The following TMEM108 variants were observed in gnomAD, a reference collection of about 807,000 sequenced individuals.
TMEM108 encodes cancer/testis antigen 124.
TMEM108 carries 12 observed loss-of-function variants against 35.1 expected under a neutral mutation model. That is an observed-to-expected ratio of 0.34 (90% confidence interval 0.22 to 0.55). The LOEUF (loss-of-function observed/expected upper bound fraction) is 0.55. Ranked by LOEUF, TMEM108 falls within the 20% of genes least tolerant of loss-of-function variation. TMEM108 has a pLI of 0.89. For missense variants in TMEM108, 680 were observed against 753.3 expected (o/e 0.90, Z 1.14); for synonymous variants, 287 against 308.6 (o/e 0.93, Z 0.73).
chr3:133,161,670 A>G lies in TMEM108; in HGVS notation c.-46-67596A>G, dbSNP rs148832547. Among the ~76,000 whole-genome samples the G allele has an allele frequency of 7.4e-3, 1,123 of 151,748 alleles. 8 individuals carry two copies. Among genetic ancestry groups the G allele is most frequent in the Admixed American group, 0.014 (216 of 15,266 alleles). Reference sequence around the variant, plus strand: ...AGAAACAACTGTGTGGCAGAAAAATATGATTAAAAATAACTTTTACTCATT... The same window carrying G: ...AGAAACAACTGTGTGGCAGAAAAATGTGATTAAAAATAACTTTTACTCATT... On this transcript the variant is annotated intron_variant, in intron 2 of 5. Transcript: ENST00000321871.
At chr3:133,320,091 C>G (rs112263231) in intron 3 of TMEM108, among the ~76,000 whole-genome samples, 2,687 of 152,118 alleles carry the variant, frequency 0.018, 68 homozygotes, top group African/African-American at 0.06. Context: ...AACATAGACT[C>G]CATCTCCACA....
At chr3:133,382,105 T>C (rs375376628) in intron 4 of TMEM108, among the ~76,000 whole-genome samples, 8 of 152,166 alleles carry the variant, frequency 5.3e-5, no homozygotes, top group African/African-American at 1.9e-4. Context: ...ATTCTTAGAG[T>C]TTCTCTGATA....
At chr3:133,145,756 GCTCT>G (rs1163248746) in intron 2 of TMEM108, among the ~76,000 whole-genome samples, 1 of 151,878 alleles carries the variant, frequency 6.6e-6, no homozygotes, top group Non-Finnish European at 1.5e-5. Context: ...TCATGATTTG[GCTCT>G]CTGTTTGTCT....
chr3:133,296,099 T>A (rs1438639498), intron 3 of TMEM108, among the ~76,000 whole-genome samples: 1 of 152,230 alleles, frequency 6.6e-6, no homozygotes, highest in Non-Finnish European at 1.5e-5. Flanking sequence ...AATGTCTGAG[T>A]GCATATCTAC....
At chr3:133,213,744 ATCC>A (rs1307557559) in intron 2 of TMEM108, among the ~76,000 whole-genome samples, 3 of 152,100 alleles carry the variant, frequency 2.0e-5, no homozygotes, top group Non-Finnish European at 1.5e-5. Context: ...GGTAAAATTA[ATCC>A]TCCCTTTTGC....
chr3:133,391,224 AAG>A (rs2107861196), intron 5 of TMEM108, among the ~76,000 whole-genome samples: 1 of 152,346 alleles, frequency 6.6e-6, no homozygotes, highest in East Asian at 1.9e-4. Context: ...TGGATAAGGA[AAG>A]AAAATAATGG....
At chr3:133,121,817 T>G (rs1466696242) in intron 2 of TMEM108, among the ~76,000 whole-genome samples, 1 of 152,190 alleles carries the variant, frequency 6.6e-6, no homozygotes, top group Non-Finnish European at 1.5e-5. Context: ...AAGAAAAAAG[T>G]AGGAGGACTA....
intron 2 of TMEM108, among the ~76,000 whole-genome samples, chr3:133,166,363 C>T (rs946939640): frequency 5.9e-5 from 9 of 152,114 alleles, no homozygotes; most frequent in African/African-American, 2.2e-4. Context: ...GGAAAAAAAT[C>T]GTTTATTTTA....
At chr3:133,122,904 A>G (rs1944371380) in intron 2 of TMEM108, among the ~76,000 whole-genome samples, 1 of 151,824 alleles carries the variant, frequency 6.6e-6, no homozygotes, top group Non-Finnish European at 1.5e-5. Context: ...TTAAGATGCT[A>G]TAAGGTGGAA....
At chr3:133,365,810 C>T (rs540998631) in intron 3 of TMEM108, among the ~76,000 whole-genome samples, 59 of 152,266 alleles carry the variant, frequency 3.9e-4, no homozygotes, top group African/African-American at 1.3e-3. Flanking sequence ...CCCTAGAGAG[C>T]CTGCCTCTCC....
At chr3:133,091,015 T>G (rs1025472675) in intron 2 of TMEM108, among the ~76,000 whole-genome samples, 11 of 152,268 alleles carry the variant, frequency 7.2e-5, no homozygotes, top group Admixed American at 1.3e-4. Flanking sequence ...GTAAAACTAT[T>G]GGGTTAAATA....
intron 3 of TMEM108, among the ~76,000 whole-genome samples, chr3:133,297,061 G>C (rs183562471): frequency 6.6e-6 from 1 of 152,182 alleles, no homozygotes; most frequent in African/African-American, 2.4e-5. Flanking sequence ...AAGGAGGTCC[G>C]AACAATATCA....
chr3:133,111,241 G>A (rs1191172407), intron 2 of TMEM108, among the ~76,000 whole-genome samples: 1 of 152,110 alleles, frequency 6.6e-6, no homozygotes, highest in Non-Finnish European at 1.5e-5. Context: ...AACAGTCTTA[G>A]GTGGGGAGGA....
chr3:133,298,531 C>T (rs1947176437), intron 3 of TMEM108, among the ~76,000 whole-genome samples: 1 of 152,106 alleles, frequency 6.6e-6, no homozygotes, highest in Non-Finnish European at 1.5e-5. Flanking sequence ...TTTGTAAAAG[C>T]TGTAAAATTC....
chr3:133,321,215 G>A (rs28883687), intron 3 of TMEM108, among the ~76,000 whole-genome samples: 46,516 of 152,028 alleles, frequency 0.31, 7,850 homozygotes, highest in East Asian at 0.47. Flanking sequence ...TTAAAAGATA[G>A]AGAATGGCAG....
At chr3:133,082,249 A>G (rs976160295) in intron 2 of TMEM108, among the ~76,000 whole-genome samples, 2 of 152,230 alleles carry the variant, frequency 1.3e-5, no homozygotes, top group Non-Finnish European at 2.9e-5. Flanking sequence ...ACTGGGGGAA[A>G]TAAATGCTAA....
intron 3 of TMEM108, among the ~76,000 whole-genome samples, chr3:133,320,530 C>A (rs973328372): frequency 1.3e-5 from 2 of 152,076 alleles, no homozygotes; most frequent in African/African-American, 4.8e-5. Context: ...ATGTTACATA[C>A]ACAAATGTAA....
chr3:133,108,439 A>G (rs1339864782), intron 2 of TMEM108, among the ~76,000 whole-genome samples: 3 of 152,120 alleles, frequency 2.0e-5, no homozygotes, highest in African/African-American at 7.2e-5. Context: ...GTCTGTTCAT[A>G]TCATTTGCCC....
intron 3 of TMEM108, among the ~76,000 whole-genome samples, chr3:133,340,996 C>G (rs1235424663): frequency 6.6e-6 from 1 of 151,822 alleles, no homozygotes; most frequent in Admixed American, 6.6e-5. Context: ...CCTCTAAGAT[C>G]TAGAACACGG....
Sources: allele counts gnomAD v4.1 joint callset (sites outside exome capture counted in the v4.1 genomes callset), GRCh38; gene constraint gnomAD v4.1.1; transcripts MANE v1.5; gene names NCBI Gene and HGNC (gene_info 2026-07-23, HGNC 2026-07-21).